The following SLC30A2 variants were observed in gnomAD, a reference collection of about 807,000 sequenced individuals.
SLC30A2 encodes solute carrier family 30 member 2.
SLC30A2 carries 19 observed loss-of-function variants against 39.6 expected under a neutral mutation model. That is an observed-to-expected ratio of 0.48 (90% confidence interval 0.34 to 0.70). SLC30A2 has a LOEUF of 0.70. Ranked by LOEUF, SLC30A2 falls within the 30% of genes least tolerant of loss-of-function variation. The pLI is 0.01. For missense variants in SLC30A2, 387 were observed against 479.4 expected, an observed-to-expected ratio of 0.81 and a Z score of 1.80; for synonymous variants, 195 against 194.8, an observed-to-expected ratio of 1.00 and a Z score of -0.01.
intron 1 of SLC30A2, chr1:26,045,599 A>T: frequency 1.5e-6 from 1 of 678,158 alleles, no homozygotes; most frequent in Non-Finnish European, 2.5e-6. Context: ...GCGGGACTCC[A>T]GGCATGGGAA....
intron 3 of SLC30A2, 40 bp from the exon 4 acceptor site, chr1:26,043,591 G>A (rs764331806): frequency 1.3e-6 from 2 of 1,597,962 alleles, no homozygotes; most frequent in East Asian, 4.5e-5. Flanking sequence ...CTTGGCATGG[G>A]CCTGGAGCTA....
At position 26,045,016 on chromosome 1, in the gene SLC30A2, G is replaced by T; in HGVS notation, c.252C>A (p.Phe84Leu). ...LYVASAICLL[F>L]MIGEVVGGYL... ...GCTTACCAACGACTTCTCCGATCATGAACAACAGGCAGATGGCAGAGGCTA... is the reference window on the plus strand; with the variant it reads ...GCTTACCAACGACTTCTCCGATCATTAACAACAGGCAGATGGCAGAGGCTA... The change falls in exon 2 of 8, where the codon TTC becomes TTA. Residue 84 changes from phenylalanine to leucine, a missense_variant. Transcript: ENST00000374276. 6.2e-7 allele frequency: 1 copy of T among 1,614,210 alleles called. No individual in the cohort carries two copies. Among genetic ancestry groups the T allele is most frequent in the South Asian group, 1.1e-5 (1 of 91,066 alleles).
At position 26,044,271 on chromosome 1, in the gene SLC30A2, C is replaced by T. The variant is rs1197187813; in HGVS notation, c.418+27G>A. 4 of 1,612,608 alleles carry T rather than the reference C, an allele frequency of 2.5e-6. No individual in the cohort carries two copies. In the African/African-American group the frequency reaches 5.3e-5, roughly 22 times the overall value. On this transcript the variant is annotated intron_variant, in intron 3 of 7. Coordinates refer to ENST00000374276, the MANE Select transcript of SLC30A2 (RefSeq NM_001004434.3). ...TCTAACCCACCCTCTCTCTCAACCC[C>T]ATCTCCAGCCAAACCGCGATCCTCA...
intron 6 of SLC30A2, among the ~76,000 whole-genome samples, chr1:26,040,533 G>A (rs527563501): frequency 9.5e-4 from 144 of 152,248 alleles, no homozygotes; most frequent in African/African-American, 3.3e-3. Flanking sequence ...ACAGGTGTGA[G>A]CCACCGCACC....
chr1:26,042,633 G>A lies in SLC30A2; in HGVS notation c.648C>T (p.Ser216=), dbSNP rs1326085936. 9 of 1,614,008 alleles carry A rather than the reference G, an allele frequency of 5.6e-6. No homozygotes were observed. Among genetic ancestry groups the A allele is most frequent in the Admixed American group, 1.7e-5 (1 of 59,994 alleles). The change falls in exon 5 of 8, where the codon AGC becomes AGT. Residue 216 remains serine, a synonymous_variant. Transcript: ENST00000374276. Reference sequence around the variant, plus strand: ...TCACATGGATGAAGGCAGCTCGGACGCTGGGGTTCTCCTCCTGCTGGTTGG... The same window carrying A: ...TCACATGGATGAAGGCAGCTCGGACACTGGGGTTCTCCTCCTGCTGGTTGG... ...GTTNQQEENP[S]VRAAFIHVIG... is the part of the protein sequence containing the mutation.
intron 2 of SLC30A2, among the ~76,000 whole-genome samples, chr1:26,044,657 A>T (rs555077020): frequency 6.6e-6 from 1 of 152,174 alleles, no homozygotes; most frequent in Non-Finnish European, 1.5e-5. Flanking sequence ...TAGAGGGTGA[A>T]TGTGCACATC....
At chr1:26,041,004 G>A (rs1004250123) in intron 6 of SLC30A2, among the ~76,000 whole-genome samples, 1 of 151,992 alleles carries the variant, frequency 6.6e-6, no homozygotes, top group African/African-American at 2.4e-5. Flanking sequence ...GGCTGAGGCA[G>A]GAGGATTACT....
rs1335977870 is a variant in SLC30A2, at chr1:26,046,078, G to A, written c.-182C>T. On this transcript the variant is annotated 5_prime_UTR_variant, in exon 1 of 8. Coordinates refer to ENST00000374276, the MANE Select transcript of SLC30A2 (RefSeq NM_001004434.3). This position sits in a 1 kb window ranked among gnomAD's most constrained non-coding sequence, Gnocchi z 4.4. ...CGGCTCCCGCTGCGGCTGCAGCTCC[G>A]GCTCTGGCTCCGCGTGCCAAGCGCT... 3.3e-5 allele frequency: 43 copies of A among 1,316,922 alleles called. No individual in the cohort carries two copies. Among genetic ancestry groups the A allele is most frequent in the Non-Finnish European group, 4.1e-5 (43 of 1,039,856 alleles). The allele number at this position is 1,316,922 out of a possible 1,614,324, so 81.6% of individuals were successfully genotyped here.
In SLC30A2 at chr1:26,043,401, A is replaced by G. The variant is rs761464865; in HGVS notation, c.569T>C (p.Ile190Thr). ...GGGAAACTGGGGCCCCACTCACATG[A>G]TGTTCACAGCCACAGCGCAGCCCGA... ...ITSGCAVAVNIIMGLTLHQSG... is the reference protein window; with the variant it reads ...ITSGCAVAVNTIMGLTLHQSG... The change falls in exon 4 of 8, where the codon ATC becomes ACC. Residue 190 changes from isoleucine (I) to threonine (T), a missense_variant. Ile to Thr is a moderately conservative substitution (Grantham distance 89). Transcript: ENST00000374276. The G allele has an allele frequency of 1.2e-6, 2 of 1,613,656 alleles. No homozygotes were observed. Among genetic ancestry groups the G allele is most frequent in the Non-Finnish European group, 1.7e-6 (2 of 1,179,724 alleles).
At chr1:26,042,086 G>A (rs933432574) in intron 5 of SLC30A2, among the ~76,000 whole-genome samples, 3 of 152,184 alleles carry the variant, frequency 2.0e-5, no homozygotes, top group African/African-American at 4.8e-5. Context: ...CATCTGATCC[G>A]CCATCCGTCC....
intron 5 of SLC30A2, 32 bp downstream of exon 5, chr1:26,042,517 C>T (rs1183473134): frequency 1.9e-6 from 3 of 1,594,732 alleles, no homozygotes; most frequent in Admixed American, 1.7e-5. Context: ...CACTCCCCTG[C>T]CACCCCCACC....
intron 3 of SLC30A2, among the ~76,000 whole-genome samples, chr1:26,043,923 G>A (rs988185872): frequency 1.3e-5 from 2 of 152,334 alleles, no homozygotes; most frequent in Non-Finnish European, 2.9e-5. Context: ...GAACGGAAGA[G>A]AGGTTAAAGC....
At chr1:26,044,527 G>A in intron 2 of SLC30A2, 83 bp from the exon 3 acceptor site, 1 of 1,348,208 alleles carries the variant, frequency 7.4e-7, no homozygotes, top group East Asian at 2.4e-5. Context: ...CACAGGCTCT[G>A]GAAGAGGACA....
In SLC30A2 at chr1:26,039,040, G is replaced by T. The variant is rs2050369398; in HGVS notation, c.*120C>A. On this transcript the variant is annotated 3_prime_UTR_variant, in exon 8 of 8. Coordinates refer to ENST00000374276, the MANE Select transcript of SLC30A2 (RefSeq NM_001004434.3). This position sits in a 1 kb window ranked among gnomAD's most constrained non-coding sequence, Gnocchi z 4.3. The stretch of plus-strand genomic sequence containing the variant: ...CATTCCTGGAGTGGGGCAGAGGTCA[G>T]GAGGGGGACCTGGTTTACAACACAG... 1.3e-6 allele frequency: 2 copies of T among 1,485,370 alleles called. No individual in the cohort carries two copies. Among genetic ancestry groups the T allele is most frequent in the African/African-American group, 2.8e-5 (2 of 72,028 alleles). 92.0% of individuals were successfully genotyped at this position (1,485,370 alleles called of 1,614,324 possible). A position where few individuals can be genotyped will look rare whatever the true frequency, so the allele number is the denominator to read the frequency against.
In SLC30A2 at chr1:26,039,946, A is replaced by G; in HGVS notation, c.839-35T>C. 6.2e-7 allele frequency: 1 copy of G among 1,612,996 alleles called. No homozygotes were observed. Among genetic ancestry groups the G allele is most frequent in the Non-Finnish European group, 8.5e-7 (1 of 1,179,450 alleles). ...GCAAGGACAGGGGAAACTAAAGGAA[A>G]CTACCCCTCCCACGCCTGCCCATTG... On this transcript the variant is annotated intron_variant, in intron 6 of 7. Coordinates refer to ENST00000374276, the MANE Select transcript of SLC30A2 (RefSeq NM_001004434.3). This position sits in a 1 kb window ranked among gnomAD's most constrained non-coding sequence, Gnocchi z 4.3.
At chr1:26,041,580 G>A in intron 6 of SLC30A2, 120 bp downstream of exon 6, 1 of 651,792 alleles carries the variant, frequency 1.5e-6, no homozygotes, top group Non-Finnish European at 2.7e-6. Context: ...CCTATGCCGG[G>A]GCTCCGGATC....
At position 26,043,447 on chromosome 1, in the gene SLC30A2, C is replaced by G. The variant is rs779896941; in HGVS notation, c.523G>C (p.Gly175Arg). Residue 175 changes from glycine to arginine, a missense_variant, in exon 4 of 8, where the codon GGG becomes CGG. Physicochemically the swap from Gly to Arg is moderately radical, Grantham distance 125. Coordinates refer to ENST00000374276, the MANE Select transcript of SLC30A2 (RefSeq NM_001004434.3). ...RLISGDYEID[G>R]GTMLITSGCA... ...CCCGACGTGATCAGCATGGTCCCCC[C>G]GTCAATTTCATAGTCCCCAGAGATC... 3 of 1,614,044 alleles carry G rather than the reference C, an allele frequency of 1.9e-6. No homozygotes were observed. The highest frequency in any genetic ancestry group is 2.5e-6 in the Non-Finnish European group (3 of 1,180,012).
Position 26,045,192 on chromosome 1 carries a change from C to T in SLC30A2, c.76G>A (p.Glu26Lys). ...IRSYTGSLWQ[E>K]GAGWIPLPRP... Reference sequence around the variant, plus strand: ...GGCAGAGGAATCCAGCCAGCCCCTTCCTGCCACAGAGATCCCGTGTATGAC... The same window carrying T: ...GGCAGAGGAATCCAGCCAGCCCCTTTCTGCCACAGAGATCCCGTGTATGAC... Residue 26 changes from glutamate to lysine, a missense_variant, in exon 2 of 8, where the codon GAA becomes AAA. Transcript: ENST00000374276. The T allele has an allele frequency of 1.2e-6, 2 of 1,612,298 alleles. No individual in the cohort carries two copies. Among genetic ancestry groups the T allele is most frequent in the Non-Finnish European group, 1.7e-6 (2 of 1,179,780 alleles).
intron 6 of SLC30A2, among the ~76,000 whole-genome samples, chr1:26,040,258 G>T (rs902858139): frequency 3.6e-4 from 55 of 151,594 alleles, no homozygotes; most frequent in Non-Finnish European, 6.5e-4. Flanking sequence ...ATATTTTTTG[G>T]TTTTTTTTGA....
Sources: allele counts gnomAD v4.1 joint callset (sites outside exome capture counted in the v4.1 genomes callset), GRCh38; gene constraint gnomAD v4.1.1; non-coding constraint Gnocchi (gnomAD v3.1); transcripts MANE v1.5; gene names NCBI Gene and HGNC (gene_info 2026-07-23, HGNC 2026-07-21).